Variants in ADGRL3 observed in about 807,000 individuals in gnomAD.
The protein encoded by ADGRL3 is adhesion G protein-coupled receptor L3.
In ADGRL3, 62 loss-of-function variants were observed where a neutral mutation model predicts 153.5. That is an observed-to-expected ratio of 0.40 (90% CI 0.33 to 0.50). ADGRL3 has a LOEUF of 0.50. ADGRL3 is among the 20% of genes least tolerant of loss of function. The pLI, the probability that ADGRL3 is intolerant of heterozygous loss-of-function variation, is 0.47. For synonymous variants in ADGRL3, 710 were observed against 672.5 expected, an observed-to-expected ratio of 1.06 and a Z score of -0.86; for missense variants, 1,641 against 1,859.4, an observed-to-expected ratio of 0.88 and a Z score of 2.16.
intron 5 of ADGRL3, among the ~76,000 whole-genome samples, chr4:61,591,887 G>T (rs940147770): frequency 6.6e-6 from 1 of 151,632 alleles, no homozygotes; most frequent in Non-Finnish European, 1.5e-5. Context: ...GACCAGCCTG[G>T]ATGTTTTATG....
At chr4:61,749,340 C>A (rs1288724547) in intron 8 of ADGRL3, among the ~76,000 whole-genome samples, 1 of 152,082 alleles carries the variant, frequency 6.6e-6, no homozygotes, top group Non-Finnish European at 1.5e-5. Flanking sequence ...TACCAATTGA[C>A]CCAGGCATCC....
intron 21 of ADGRL3, among the ~76,000 whole-genome samples, chr4:62,009,404 TAG>T (rs1472732046): frequency 3.3e-5 from 5 of 152,022 alleles, no homozygotes; most frequent in African/African-American, 4.8e-5. Flanking sequence ...AAATAAAATA[TAG>T]AGTTATATAT....
At chr4:61,481,966 T>C (rs181545901) in intron 2 of ADGRL3, among the ~76,000 whole-genome samples, 113 of 152,264 alleles carry the variant, frequency 7.4e-4, no homozygotes, top group Admixed American at 4.1e-3. Context: ...AATGCTATTG[T>C]CTTGAGATAT....
At chr4:61,906,716 T>TG (rs1491330009) in intron 11 of ADGRL3, among the ~76,000 whole-genome samples, 3 of 141,818 alleles carry the variant, frequency 2.1e-5, no homozygotes, top group Non-Finnish European at 3.1e-5. Flanking sequence ...GATATTAAAC[T>TG]TTTTTTTTTT....
At chr4:61,707,419 A>T (rs1370195393) in intron 6 of ADGRL3, among the ~76,000 whole-genome samples, 1 of 152,208 alleles carries the variant, frequency 6.6e-6, no homozygotes, top group Non-Finnish European at 1.5e-5. Context: ...AAGCTCAATA[A>T]AATGAAATAT....
chr4:61,203,699 A>T (rs773694343), intron 1 of ADGRL3, among the ~76,000 whole-genome samples: 6 of 152,212 alleles, frequency 3.9e-5, no homozygotes, highest in Non-Finnish European at 5.9e-5. Context: ...TATGAGAATA[A>T]ACAGAGTTTG....
rs377259217 is a variant in ADGRL3, at chr4:61,385,473, G to A, written c.-174+2284G>A. Reference sequence around the variant, plus strand: ...TGCTCTTTCACAAACTAGTGTGTGGGCCTGGAATGTATAACCTCACCTTCC... The same window carrying A: ...TGCTCTTTCACAAACTAGTGTGTGGACCTGGAATGTATAACCTCACCTTCC... On this transcript the variant is annotated intron_variant, in intron 2 of 26. Coordinates refer to ENST00000683033, the MANE Select transcript of ADGRL3 (RefSeq NM_001387552.1). 20 of 152,240 alleles carry A rather than the reference G, an allele frequency of 1.3e-4. 1 individual carries two copies. The highest frequency in any genetic ancestry group is 4.8e-4 in the African/African-American group (20 of 41,526). The allele number at this position is 152,240 out of a possible 1,614,324, so 9.4% of individuals were successfully genotyped here.
intron 2 of ADGRL3, among the ~76,000 whole-genome samples, chr4:61,443,546 T>C (rs72636151): frequency 0.018 from 2,751 of 152,252 alleles, 31 homozygotes; most frequent in Non-Finnish European, 0.027. Context: ...AGCTAATATT[T>C]AATTCTATTT....
chr4:61,711,491 T>TATATATATATATAC (rs757078842), intron 6 of ADGRL3, among the ~76,000 whole-genome samples: 34 of 89,182 alleles, frequency 3.8e-4, no homozygotes, highest in Admixed American at 1.3e-3. Flanking sequence ...TATATATATA[T>TATATATATATATAC]ACACACACAC....
At chr4:61,420,544 C>G (rs2152330292) in intron 2 of ADGRL3, 1 of 151,042 alleles carries the variant, frequency 6.6e-6, no homozygotes, top group African/African-American at 2.4e-5. Flanking sequence ...GTAGCTGGGA[C>G]CACAGGCGCC....
chr4:61,854,842 G>C (rs1293612533), intron 9 of ADGRL3, among the ~76,000 whole-genome samples: 7 of 152,266 alleles, frequency 4.6e-5, no homozygotes, highest in Admixed American at 6.5e-5. Context: ...ATTATGATGT[G>C]ATCAAAATGG....
In ADGRL3 at chr4:61,909,700, C is replaced by T; in HGVS notation, c.2028C>T (p.Asn676=). The part of the protein sequence containing the change: ...LVGLLDVQLR[N]LTPGGKDSAA... ...GCCTCCTAGATGTACAGCTTCGGAA[C>T]TTGACCCCAGGTGGAAAAGATAGTG... The change falls in exon 12 of 27, where the codon AAC becomes AAT. Residue 676 remains asparagine, a synonymous_variant. Coordinates refer to ENST00000683033, the MANE Select transcript of ADGRL3 (RefSeq NM_001387552.1). The T allele has an allele frequency of 6.3e-7, 1 of 1,585,926 alleles. No individual in the cohort carries two copies.
At chr4:61,907,179 A>G (rs1204548825) in intron 11 of ADGRL3, among the ~76,000 whole-genome samples, 2 of 152,160 alleles carry the variant, frequency 1.3e-5, no homozygotes, top group Admixed American at 1.3e-4. Context: ...TTCCATAGAC[A>G]GTATAGGATG....
At chr4:61,536,606 TTG>T (rs1368235465) in intron 4 of ADGRL3, among the ~76,000 whole-genome samples, 3 of 152,152 alleles carry the variant, frequency 2.0e-5, no homozygotes, top group Non-Finnish European at 2.9e-5. Context: ...GTAAATCTTC[TTG>T]TTGCATTGAA....
Position 61,540,712 on chromosome 4 carries a change from C to G in ADGRL3, c.259+23194C>G, listed in dbSNP as rs180910292. On this transcript the variant is annotated intron_variant, in intron 4 of 26. Coordinates refer to ENST00000683033, the MANE Select transcript of ADGRL3 (RefSeq NM_001387552.1). ...AGGGACAATATTTGAGAATAGAACA[C>G]AATTTTCAGGTTAAGTTCATTGTGC... is the stretch of plus-strand genomic sequence containing the variant. 7.2e-5 allele frequency among the ~76,000 whole-genome samples: 11 copies of G among 152,204 alleles called. No homozygotes were observed. In the East Asian group the frequency reaches 2.1e-3, roughly 29 times the overall value.
chr4:61,443,841 A>C (rs1394699201), intron 2 of ADGRL3, among the ~76,000 whole-genome samples: 1 of 152,208 alleles, frequency 6.6e-6, no homozygotes, highest in Non-Finnish European at 1.5e-5. Flanking sequence ...TCCAATACAA[A>C]TTATGTGAAA....
At chr4:61,817,109 A>G (rs1338423015) in intron 9 of ADGRL3, among the ~76,000 whole-genome samples, 1 of 149,894 alleles carries the variant, frequency 6.7e-6, no homozygotes, top group African/African-American at 2.5e-5. Context: ...ATGGAAGCCC[A>G]GGTTTGGGGG....
chr4:61,246,696 A>G (rs1257562455), intron 1 of ADGRL3, among the ~76,000 whole-genome samples: 4 of 151,766 alleles, frequency 2.6e-5, no homozygotes, highest in Non-Finnish European at 4.4e-5. Context: ...ATTTATGATA[A>G]TAACCCTTTT....
chr4:61,645,348 T>C (rs1339113606), intron 5 of ADGRL3, among the ~76,000 whole-genome samples: 3 of 151,464 alleles, frequency 2.0e-5, no homozygotes, highest in Non-Finnish European at 4.4e-5. Context: ...CTGGTGATTT[T>C]GCTCGTTAGT....
Sources: allele counts gnomAD v4.1 joint callset (sites outside exome capture counted in the v4.1 genomes callset), GRCh38; gene constraint gnomAD v4.1.1; transcripts MANE v1.5; gene names NCBI Gene and HGNC (gene_info 2026-07-23, HGNC 2026-07-21).